ADGRV1: variants seen among roughly 807,000 people sequenced by gnomAD.
ADGRV1 encodes adhesion G protein-coupled receptor V1.
Under a neutral mutation model 596.2 loss-of-function variants are expected in ADGRV1, and 359 were observed. The observed-to-expected ratio is 0.60, with a 90% confidence interval of 0.55 to 0.66. The LOEUF (loss-of-function observed/expected upper bound fraction) is 0.66. ADGRV1 is among the 30% of genes least tolerant of loss of function. ADGRV1 has a pLI of 0.00. For synonymous variants in ADGRV1, 2,681 were observed against 2,679.2 expected, an observed-to-expected ratio of 1.00 and a Z score of -0.02; for missense variants, 7,274 against 7,575.6, an observed-to-expected ratio of 0.96 and a Z score of 1.48.
intron 85 of ADGRV1, among the ~76,000 whole-genome samples, chr5:91,045,543 G>C (rs555830723): frequency 6.6e-6 from 1 of 152,142 alleles, no homozygotes; most frequent in South Asian, 2.1e-4. Context: ...ATACCTCAAG[G>C]TAATAAAAGC....
intron 78 of ADGRV1, among the ~76,000 whole-genome samples, chr5:90,844,794 T>C (rs928100075): frequency 6.6e-6 from 1 of 152,200 alleles, no homozygotes; most frequent in African/African-American, 2.4e-5. Flanking sequence ...TTGTCTTCTA[T>C]CCTGACAACT....
chr5:90,745,518 A>C (rs1754518095), intron 51 of ADGRV1, 73 bp from the exon 52 acceptor site: 4 of 997,480 alleles, frequency 4.0e-6, no homozygotes, highest in South Asian at 3.4e-5. Context: ...CAATTAATGT[A>C]ATGAGTAGTC....
At chr5:90,974,799 T>G (rs189106393) in intron 84 of ADGRV1, among the ~76,000 whole-genome samples, 5 of 152,306 alleles carry the variant, frequency 3.3e-5, no homozygotes, top group Admixed American at 2.6e-4. Context: ...GGCAAGGACT[T>G]CATGTCTAAA....
intron 28 of ADGRV1, 28 bp downstream of exon 28, chr5:90,684,223 A>G (rs1251588730): frequency 6.5e-7 from 1 of 1,534,146 alleles, no homozygotes; most frequent in Non-Finnish European, 8.8e-7. Flanking sequence ...TGTTATTATT[A>G]TTATTAGCTC....
intron 83 of ADGRV1, among the ~76,000 whole-genome samples, chr5:90,879,684 T>C (rs1479832137): frequency 6.6e-6 from 1 of 152,162 alleles, no homozygotes; most frequent in Non-Finnish European, 1.5e-5. Context: ...CAATGGCTTG[T>C]GCCTGTAATC....
chr5:91,035,531 A>G (rs1784790982), intron 85 of ADGRV1, among the ~76,000 whole-genome samples: 1 of 152,104 alleles, frequency 6.6e-6, no homozygotes, highest in African/African-American at 2.4e-5. Flanking sequence ...AATTTCAAGA[A>G]TGTAATTCTT....
At chr5:90,602,821 G>C (rs1291678950) in intron 1 of ADGRV1, among the ~76,000 whole-genome samples, 1 of 152,232 alleles carries the variant, frequency 6.6e-6, no homozygotes, top group African/African-American at 2.4e-5. Context: ...ATGATTAATA[G>C]ACATGGTGGT....
rs745578837 is a variant in ADGRV1, at chr5:90,781,519, T to C, written c.13172T>C (p.Met4391Thr). ...ATCTCCATTGTTCGCATCATAATAA[T>C]GAAAAATGATAACGCAGAAGGCATC... The part of the protein sequence containing the change: ...GNISIVRIII[M>T]KNDNAEGIIE... Residue 4391 changes from methionine (M) to threonine (T), a missense_variant, in exon 65 of 90, where the codon ATG becomes ACG. Coordinates refer to ENST00000405460, the MANE Select transcript of ADGRV1 (RefSeq NM_032119.4). 20 of 1,611,520 alleles carry C rather than the reference T, an allele frequency of 1.2e-5. No homozygotes were observed. In the Admixed American group the frequency reaches 2.5e-4, roughly 20 times the overall value.
chr5:90,727,104 G>C (rs922126242), intron 48 of ADGRV1, among the ~76,000 whole-genome samples: 2 of 151,966 alleles, frequency 1.3e-5, no homozygotes, highest in South Asian at 2.1e-4. Context: ...TTATTAGTGG[G>C]GGGGATGGGG....
chr5:91,004,612 T>G (rs1782120861), intron 85 of ADGRV1, among the ~76,000 whole-genome samples: 1 of 152,052 alleles, frequency 6.6e-6, no homozygotes, highest in Non-Finnish European at 1.5e-5. Flanking sequence ...ACTCCTGACT[T>G]TCTTAAGGAT....
intron 84 of ADGRV1, among the ~76,000 whole-genome samples, chr5:90,972,560 G>A (rs1043869644): frequency 5.3e-5 from 8 of 152,108 alleles, no homozygotes; most frequent in Admixed American, 2.0e-4. Context: ...ACTCAAAAGC[G>A]CTCAACTACA....
At chr5:90,825,200 G>A (rs1231959734) in intron 76 of ADGRV1, among the ~76,000 whole-genome samples, 1 of 152,148 alleles carries the variant, frequency 6.6e-6, no homozygotes, top group African/African-American at 2.4e-5. Flanking sequence ...GCCTCCCAAT[G>A]TGCTGGGATT....
intron 35 of ADGRV1, among the ~76,000 whole-genome samples, chr5:90,704,014 A>T (rs931686059): frequency 6.6e-6 from 1 of 152,134 alleles, no homozygotes; most frequent in East Asian, 1.9e-4. Flanking sequence ...CTTGAGTAGT[A>T]CATTGGACTT....
intron 83 of ADGRV1, among the ~76,000 whole-genome samples, chr5:90,913,454 T>G (rs891561551): frequency 1.3e-5 from 2 of 152,216 alleles, no homozygotes; most frequent in Non-Finnish European, 2.9e-5. Context: ...AACCAATTAG[T>G]TCTAATAAAA....
At chr5:90,967,481 G>A (rs1463771541) in intron 84 of ADGRV1, among the ~76,000 whole-genome samples, 1 of 152,148 alleles carries the variant, frequency 6.6e-6, no homozygotes, top group Non-Finnish European at 1.5e-5. Context: ...GCAAAATTCT[G>A]TAAGAGTTTA....
chr5:90,633,834 A>G (rs1428649718), intron 9 of ADGRV1, among the ~76,000 whole-genome samples: 3 of 152,146 alleles, frequency 2.0e-5, no homozygotes, highest in Admixed American at 6.5e-5. Context: ...CAAAACCAAA[A>G]TTATTCATGT....
chr5:91,041,451 A>G (rs1049493202), intron 85 of ADGRV1, among the ~76,000 whole-genome samples: 15 of 152,036 alleles, frequency 9.9e-5, no homozygotes, highest in African/African-American at 2.7e-4. Flanking sequence ...ACACATGGAC[A>G]CAGGGAGGGG....
chr5:90,907,103 A>G (rs1471800337), intron 83 of ADGRV1, among the ~76,000 whole-genome samples: 4 of 152,134 alleles, frequency 2.6e-5, no homozygotes, highest in Non-Finnish European at 4.4e-5. Flanking sequence ...ATTAATCCAC[A>G]TATTTGTTAT....
rs756940722 is a variant in ADGRV1, at chr5:90,965,440, C to T, written c.17882C>T (p.Ala5961Val). 6.2e-7 allele frequency: 1 copy of T among 1,612,884 alleles called. No homozygotes were observed. Among genetic ancestry groups the T allele is most frequent in the Non-Finnish European group, 8.5e-7 (1 of 1,178,894 alleles). The change falls in exon 84 of 90, where the codon GCA becomes GTA. Residue 5961 changes from alanine to valine, a missense_variant. Around this residue, in one of 5 missense-constraint regions of ADGRV1, gnomAD observed 1,874 missense variants for 1,970.2 expected, o/e 0.95. Coordinates refer to ENST00000405460, the MANE Select transcript of ADGRV1 (RefSeq NM_032119.4). The stretch of plus-strand genomic sequence containing the variant: ...ATTCTGTTTCTGGCGTCTGCATACG[C>T]AAGTCCCCAACTCGCTGAGGAGAGC... ...TQILFLASAY[A>V]SPQLAEESCS...
Sources: gnomAD v4.1 joint callset for allele counts (sites outside exome capture counted in the v4.1 genomes callset) on GRCh38, gnomAD v4.1.1 for gene constraint, gnomAD v4.1.1 regional missense constraint, MANE v1.5 for transcripts, NCBI Gene and HGNC (gene_info 2026-07-23, HGNC 2026-07-21) for gene names.